The following CCDC178 variants were observed in gnomAD, a reference collection of about 807,000 sequenced individuals.
CCDC178 encodes the protein coiled-coil domain-containing protein 178.
Under a neutral mutation model 117.4 loss-of-function variants are expected in CCDC178, and 126 were observed. The ratio of observed to expected loss-of-function variants is 1.07; its 90% CI spans 0.93 to 1.24. The LOEUF (loss-of-function observed/expected upper bound fraction) is 1.24. Among genes scored for constraint, CCDC178 ranks in the 50% most tolerant of loss-of-function variants. CCDC178 has a pLI of 0.00. For synonymous variants in CCDC178, 283 were observed against 313.4 expected, an observed-to-expected ratio of 0.90 and a Z score of 1.02; for missense variants, 1,030 against 986.9, an observed-to-expected ratio of 1.04 and a Z score of -0.59.
At chr18:33,007,298 T>A (rs1441658115) in intron 21 of CCDC178, among the ~76,000 whole-genome samples, 1 of 151,962 alleles carries the variant, frequency 6.6e-6, no homozygotes, top group East Asian at 1.9e-4. Context: ...TTGTGGGGGT[T>A]CTATGGTAAG....
At chr18:33,391,132 C>G (rs1307556637) in intron 4 of CCDC178, among the ~76,000 whole-genome samples, 3 of 148,788 alleles carry the variant, frequency 2.0e-5, no homozygotes, top group Non-Finnish European at 4.5e-5. Flanking sequence ...TAAAATAATA[C>G]AGAAAAAAAT....
At chr18:33,298,906 A>T (rs2062141310) in intron 11 of CCDC178, among the ~76,000 whole-genome samples, 1 of 152,156 alleles carries the variant, frequency 6.6e-6, no homozygotes, top group Non-Finnish European at 1.5e-5. Flanking sequence ...AAAACTAGAA[A>T]CATATGTAAC....
At chr18:32,944,067 A>AT (rs1044454929) in intron 22 of CCDC178, among the ~76,000 whole-genome samples, 53 of 149,808 alleles carry the variant, frequency 3.5e-4, no homozygotes, top group Non-Finnish European at 5.9e-4. Context: ...AGTAGCACAC[A>AT]TTTTTTTTTT....
At chr18:33,416,507 A>C (rs1252952217) in intron 2 of CCDC178, among the ~76,000 whole-genome samples, 3 of 152,128 alleles carry the variant, frequency 2.0e-5, no homozygotes, top group Non-Finnish European at 4.4e-5. Flanking sequence ...ATAGGCTATA[A>C]TGAGGACCCC....
At chr18:33,095,826 A>AG (rs2057534387) in intron 20 of CCDC178, among the ~76,000 whole-genome samples, 1 of 151,988 alleles carries the variant, frequency 6.6e-6, no homozygotes, top group East Asian at 1.9e-4. Context: ...GTATATAAAG[A>AG]GAAATCATAC....
At chr18:33,006,273 A>AT (rs2055748423) in intron 21 of CCDC178, among the ~76,000 whole-genome samples, 1 of 152,090 alleles carries the variant, frequency 6.6e-6, no homozygotes, top group Non-Finnish European at 1.5e-5. Context: ...GCTTCAATGC[A>AT]TTATGTAAGC....
At chr18:33,187,671 GA>G (rs1156388764) in intron 20 of CCDC178, among the ~76,000 whole-genome samples, 6 of 152,136 alleles carry the variant, frequency 3.9e-5, no homozygotes, top group African/African-American at 1.4e-4. Context: ...GGTTTATGGT[GA>G]AATAAGGCTG....
At chr18:33,157,491 A>G (rs1331794646) in intron 20 of CCDC178, among the ~76,000 whole-genome samples, 1 of 152,230 alleles carries the variant, frequency 6.6e-6, no homozygotes, top group African/African-American at 2.4e-5. Flanking sequence ...CCAAAATGTT[A>G]GAAAATATTA....
At chr18:33,376,421 G>T (rs2144777841) in intron 5 of CCDC178, among the ~76,000 whole-genome samples, 1 of 152,194 alleles carries the variant, frequency 6.6e-6, no homozygotes, top group South Asian at 2.1e-4. Context: ...TCCCCAATCT[G>T]TTTGGATTCT....
rs147988935 is a variant in CCDC178 at position 33,318,660 on chromosome 18, T to C, written c.1022+4831A>G. Among the ~76,000 whole-genome samples, 117 of 152,094 alleles carry C rather than the reference T, an allele frequency of 7.7e-4. 2 individuals are homozygous for C. The East Asian group carries it at 0.018, about 24-fold the overall frequency. On this transcript the variant is annotated intron_variant, in intron 11 of 22. Transcript: ENST00000383096. ...CAAGATTAATGAAAAATCCAATACA[T>C]AGAAACAAGACGACTAACAAATCCC...
At chr18:33,037,275 G>C (rs1471118177) in intron 21 of CCDC178, among the ~76,000 whole-genome samples, 1 of 151,908 alleles carries the variant, frequency 6.6e-6, no homozygotes, top group African/African-American at 2.4e-5. Context: ...TCTAACACTA[G>C]TTATTTGAAT....
chr18:32,961,255 C>T (rs2054697871), intron 22 of CCDC178, among the ~76,000 whole-genome samples: 1 of 151,974 alleles, frequency 6.6e-6, no homozygotes, highest in South Asian at 2.1e-4. Context: ...TCAATATTTG[C>T]TTTATATATT....
chr18:33,338,540 C>A (rs1020235590), intron 9 of CCDC178, among the ~76,000 whole-genome samples: 2 of 152,080 alleles, frequency 1.3e-5, no homozygotes, highest in African/African-American at 4.8e-5. Context: ...AAATGTGGTA[C>A]ATATACCATG....
At chr18:33,389,279 T>C (rs2144820219) in intron 5 of CCDC178, among the ~76,000 whole-genome samples, 1 of 152,252 alleles carries the variant, frequency 6.6e-6, no homozygotes, top group African/African-American at 2.4e-5. Flanking sequence ...CAGTCACAGC[T>C]TGGGTGATTA....
chr18:33,385,526 T>C (rs755439080), intron 5 of CCDC178, among the ~76,000 whole-genome samples: 44 of 152,088 alleles, frequency 2.9e-4, no homozygotes, highest in Non-Finnish European at 5.3e-4. Flanking sequence ...CAGACCACAG[T>C]ACAATCAAAT....
chr18:33,199,105 C>T (rs2058964892), intron 20 of CCDC178, among the ~76,000 whole-genome samples: 1 of 151,930 alleles, frequency 6.6e-6, no homozygotes, highest in Admixed American at 6.6e-5. Flanking sequence ...ATCCTTATTT[C>T]AGAATACTAG....
chr18:33,163,268 T>C (rs2058488984), intron 20 of CCDC178, among the ~76,000 whole-genome samples: 1 of 152,176 alleles, frequency 6.6e-6, no homozygotes, highest in East Asian at 1.9e-4. Context: ...TAATACCTTT[T>C]CAATGTTAAA....
At chr18:33,150,457 G>T (rs2058328314) in intron 20 of CCDC178, among the ~76,000 whole-genome samples, 1 of 152,130 alleles carries the variant, frequency 6.6e-6, no homozygotes, top group Admixed American at 6.5e-5. Flanking sequence ...ACAATCTTGT[G>T]GGAGAAAATA....
At chr18:33,314,389 C>A (rs1488490964) in intron 11 of CCDC178, among the ~76,000 whole-genome samples, 2 of 151,992 alleles carry the variant, frequency 1.3e-5, no homozygotes, top group Non-Finnish European at 2.9e-5. Context: ...AAGTAAAGCA[C>A]ACCAACCAGA....
Sources: allele counts gnomAD v4.1 joint callset (sites outside exome capture counted in the v4.1 genomes callset), GRCh38; gene constraint gnomAD v4.1.1; transcripts MANE v1.5; gene names NCBI Gene and HGNC (gene_info 2026-07-23, HGNC 2026-07-21).